The following TANK variants were observed in gnomAD, a reference collection of about 807,000 sequenced individuals.
TANK encodes the protein TRAF family member associated NFKB activator.
Under a neutral mutation model 43.6 loss-of-function variants are expected in TANK, and 15 were observed. The ratio of observed to expected loss-of-function variants is 0.34; its 90% confidence interval spans 0.23 to 0.53. The LOEUF (loss-of-function observed/expected upper bound fraction) is 0.53. TANK is among the 20% of genes least tolerant of loss of function. The pLI is 0.94. For synonymous variants in TANK, 162 were observed against 178.2 expected (o/e 0.91, Z 0.73); for missense variants, 417 against 498.6 (o/e 0.84, Z 1.56).
At chr2:161,166,144 G>A (rs1201302450) in intron 1 of TANK, among the ~76,000 whole-genome samples, 2 of 152,230 alleles carry the variant, frequency 1.3e-5, no homozygotes, top group Non-Finnish European at 2.9e-5. Context: ...TAACCAGTGA[G>A]ACTGTCTTGT....
At chr2:161,176,478 CT>C (rs1318863398) in intron 1 of TANK, among the ~76,000 whole-genome samples, 1 of 152,164 alleles carries the variant, frequency 6.6e-6, no homozygotes, top group Non-Finnish European at 1.5e-5. Flanking sequence ...AGTAGCTCCT[CT>C]CTCAGTGACA....
At chr2:161,177,041 T>G (rs975709636) in intron 1 of TANK, among the ~76,000 whole-genome samples, 1 of 152,174 alleles carries the variant, frequency 6.6e-6, no homozygotes, top group African/African-American at 2.4e-5. Context: ...TAGTATGTTT[T>G]CGAATGAAGC....
At chr2:161,197,438 C>T (rs534322164) in intron 2 of TANK, 6 of 152,316 alleles carry the variant, frequency 3.9e-5, no homozygotes, top group South Asian at 4.1e-4. Flanking sequence ...GATCTGGCTT[C>T]GGTGATAACC....
intron 2 of TANK, among the ~76,000 whole-genome samples, chr2:161,192,611 A>G (rs953938085): frequency 6.6e-6 from 1 of 152,164 alleles, no homozygotes; most frequent in African/African-American, 2.4e-5. Flanking sequence ...TCTAGACCAT[A>G]CTAAAATACC....
chr2:161,201,880 G>A (rs1359246321), intron 2 of TANK, among the ~76,000 whole-genome samples: 1 of 152,156 alleles, frequency 6.6e-6, no homozygotes, highest in Admixed American at 6.5e-5. Flanking sequence ...CATTGGACAT[G>A]CACTTCAGGT....
At chr2:161,168,598 C>T (rs372561565) in intron 1 of TANK, among the ~76,000 whole-genome samples, 57 of 152,092 alleles carry the variant, frequency 3.7e-4, no homozygotes, top group Non-Finnish European at 2.5e-4. Context: ...TTTGGGAGGC[C>T]GAGGCAGGCA....
chr2:161,140,511 T>C (rs971903406), intron 1 of TANK, among the ~76,000 whole-genome samples: 2 of 152,044 alleles, frequency 1.3e-5, no homozygotes, highest in African/African-American at 4.8e-5. Context: ...ACAGAACTAA[T>C]TTCTTGGATC....
At chr2:161,172,308 A>G (rs1055704494) in intron 1 of TANK, among the ~76,000 whole-genome samples, 3 of 130,878 alleles carry the variant, frequency 2.3e-5, no homozygotes, top group Non-Finnish European at 3.2e-5. Flanking sequence ...AATAATGCGT[A>G]TTGCTTTTCT....
intron 2 of TANK, among the ~76,000 whole-genome samples, chr2:161,185,384 A>T (rs546342792): frequency 6.6e-6 from 1 of 152,084 alleles, no homozygotes; most frequent in Non-Finnish European, 1.5e-5. Context: ...GCTGAGGAGA[A>T]TTAGGGAATG....
intron 1 of TANK, among the ~76,000 whole-genome samples, chr2:161,153,490 C>A (rs1457418138): frequency 6.6e-6 from 1 of 151,842 alleles, no homozygotes; most frequent in Non-Finnish European, 1.5e-5. Flanking sequence ...GAGTTTAATA[C>A]CAGCCTGGGC....
intron 1 of TANK, among the ~76,000 whole-genome samples, chr2:161,164,784 A>G (rs1376778479): frequency 6.6e-6 from 1 of 152,174 alleles, no homozygotes; most frequent in Non-Finnish European, 1.5e-5. Flanking sequence ...TTTAAAGTAT[A>G]TGGTTCAATA....
chr2:161,181,502 C>T (rs1321554486), intron 2 of TANK, among the ~76,000 whole-genome samples: 1 of 152,056 alleles, frequency 6.6e-6, no homozygotes, highest in East Asian at 1.9e-4. Flanking sequence ...ACTTACAGTT[C>T]CACAAGCTTA....
intron 2 of TANK, among the ~76,000 whole-genome samples, chr2:161,195,223 A>G (rs1187168424): frequency 6.6e-6 from 1 of 152,218 alleles, no homozygotes; most frequent in Non-Finnish European, 1.5e-5. Context: ...ACTAAGTACT[A>G]AATCTACAAT....
intron 4 of TANK, chr2:161,204,998 A>G (rs1476602944): frequency 2.3e-6 from 3 of 1,321,480 alleles, no homozygotes; most frequent in African/African-American, 1.6e-5. Context: ...CCGTTTTTCT[A>G]CATCACAAGC....
intron 7 of TANK, chr2:161,232,821 C>A (rs1281610739): frequency 6.5e-7 from 1 of 1,550,366 alleles, no homozygotes; most frequent in African/African-American, 1.4e-5. Context: ...TATGTGATTA[C>A]AACTTGATGG....
intron 4 of TANK, chr2:161,211,933 A>G: frequency 1.0e-6 from 1 of 979,226 alleles, no homozygotes; most frequent in Non-Finnish European, 1.2e-6. Context: ...ATGCTTCTGT[A>G]TTACTCCTCT....
In TANK at chr2:161,223,929, G is replaced by C. The variant is rs780128344; in HGVS notation, c.342G>C (p.Glu114Asp). The C allele has an allele frequency of 1.2e-6, 2 of 1,600,196 alleles. No individual in the cohort carries two copies. The highest frequency in any genetic ancestry group is 1.7e-6 in the Non-Finnish European group (2 of 1,170,432). The change falls in exon 5 of 8, where the codon GAG becomes GAC. Residue 114 changes from glutamate (E) to aspartate (D), a missense_variant. Physicochemically the swap from Glu to Asp is conservative, Grantham distance 45. Transcript: ENST00000392749. ...GTATGTTTAAGGTAAGAAGACAAGA[G>C]GTTTCTTCTCCTAGAAAAGAAACTT... ...REKLPKVRRQ[E>D]VSSPRKETSA...
chr2:161,183,937 T>C (rs1031617184), intron 2 of TANK, among the ~76,000 whole-genome samples: 40 of 152,110 alleles, frequency 2.6e-4, no homozygotes. Context: ...GTGTATTTTG[T>C]ACTATAATAG....
chr2:161,168,167 C>A (rs545590188), intron 1 of TANK, among the ~76,000 whole-genome samples: 1 of 152,232 alleles, frequency 6.6e-6, no homozygotes, highest in African/African-American at 2.4e-5. Flanking sequence ...CACACACTTA[C>A]ATTTCAGTGC....
Sources: allele counts gnomAD v4.1 joint callset (sites outside exome capture counted in the v4.1 genomes callset), GRCh38; gene constraint gnomAD v4.1.1; transcripts MANE v1.5; gene names NCBI Gene and HGNC (gene_info 2026-07-23, HGNC 2026-07-21).